Variants in FAM53A observed in about 807,000 individuals in gnomAD.
The protein encoded by FAM53A is protein FAM53A.
In FAM53A, 28 loss-of-function variants were observed where a neutral mutation model predicts 26.6. The ratio of observed to expected loss-of-function variants is 1.05; its 90% confidence interval spans 0.78 to 1.45. FAM53A has a LOEUF of 1.45. Ranked by LOEUF, FAM53A falls within the 40% of genes most tolerant of loss-of-function variation. FAM53A has a pLI of 0.00. For missense variants in FAM53A, 650 were observed against 575.8 expected (o/e 1.13, Z -1.32); for synonymous variants, 290 against 253.1 (o/e 1.15, Z -1.38).
At chr4:1,618,918 C>T (rs1409089559) in intron 1 of FAM53A, among the ~76,000 whole-genome samples, 1 of 152,190 alleles carries the variant, frequency 6.6e-6, no homozygotes, top group Non-Finnish European at 1.5e-5. Context: ...GCGGCAGCCA[C>T]AAGCTCACCT....
At chr4:1,576,842 C>T in the FAM53A span, among the ~76,000 whole-genome samples, 1 of 152,324 alleles carries the variant, frequency 6.6e-6, no homozygotes, top group South Asian at 2.1e-4. Context: ...GTTTGTCAGA[C>T]ATCAGACTTC....
intron 2 of FAM53A, 103 bp downstream of exon 2, chr4:1,668,564 G>A: frequency 2.2e-6 from 3 of 1,350,290 alleles, no homozygotes; most frequent in South Asian, 2.6e-5. Flanking sequence ...GGCCCCCCAG[G>A]CCCCTGAGAA....
chr4:1,626,695 T>G (rs1365374814), intron 1 of FAM53A, among the ~76,000 whole-genome samples: 2 of 151,086 alleles, frequency 1.3e-5, no homozygotes, highest in Non-Finnish European at 1.5e-5. Flanking sequence ...CCCGGGACAG[T>G]GCAGACTCTC....
the FAM53A span, among the ~76,000 whole-genome samples, chr4:1,596,734 C>A: frequency 1.3e-5 from 2 of 152,196 alleles, no homozygotes; most frequent in Non-Finnish European, 2.9e-5. Context: ...AGATTCCCAA[C>A]TGTACTTCTC....
Position 1,680,319 on chromosome 4 carries a change from C to CAAAAAAAAAAAAA in FAM53A, c.-165+3901_-165+3913dup, listed in dbSNP as rs143458191. ...GGGCAACGAGAGTGAAACTCCGTCT[C>CAAAAAAAAAAAAA]AAAAAAAAAAAAAAAAAAAAAAAAA... On this transcript the variant is annotated intron_variant, in intron 1 of 4. Transcript: ENST00000308132. 2.4e-5 allele frequency among the ~76,000 whole-genome samples: 2 copies of CAAAAAAAAAAAAA among 82,696 alleles called. 1 individual carries two copies. Among genetic ancestry groups the CAAAAAAAAAAAAA allele is most frequent in the Non-Finnish European group, 4.1e-5 (2 of 48,364 alleles). 54.3% of individuals were successfully genotyped at this position (82,696 alleles called of 152,430 possible).
intron 2 of FAM53A, among the ~76,000 whole-genome samples, chr4:1,665,175 G>A (rs1055591792): frequency 3.9e-5 from 6 of 152,070 alleles, no homozygotes; most frequent in East Asian, 3.9e-4. Flanking sequence ...AAAATTAGCC[G>A]GGCGTGGTGG....
At chr4:1,585,948 G>C in the FAM53A span, among the ~76,000 whole-genome samples, 1 of 152,020 alleles carries the variant, frequency 6.6e-6, no homozygotes, top group Admixed American at 6.6e-5. Context: ...TGTTGCTTGG[G>C]CTGGCTTTGA....
chr4:1,662,298 G>A (rs576273704), intron 2 of FAM53A, among the ~76,000 whole-genome samples: 23 of 151,954 alleles, frequency 1.5e-4, no homozygotes, highest in Non-Finnish European at 2.8e-4. Flanking sequence ...GGCCAACATG[G>A]TGAAATTCCA....
the FAM53A span, among the ~76,000 whole-genome samples, chr4:1,586,866 C>G: frequency 6.6e-6 from 1 of 151,790 alleles, no homozygotes; most frequent in African/African-American, 2.4e-5. Flanking sequence ...CCTCTGTACT[C>G]TTTTCCACTT....
the FAM53A span, among the ~76,000 whole-genome samples, chr4:1,608,908 C>G: frequency 1.8e-4 from 28 of 152,222 alleles, no homozygotes; most frequent in African/African-American, 6.5e-4. Context: ...CGGAGGGCGC[C>G]AGGGACAGGG....
At chr4:1,677,154 C>T (rs1715101667) in intron 1 of FAM53A, among the ~76,000 whole-genome samples, 1 of 152,220 alleles carries the variant, frequency 6.6e-6, no homozygotes, top group African/African-American at 2.4e-5. Flanking sequence ...CTCTCCTCCA[C>T]TTCTGTAAGA....
At chr4:1,624,467 G>A (rs1448405992) in intron 1 of FAM53A, among the ~76,000 whole-genome samples, 1 of 152,186 alleles carries the variant, frequency 6.6e-6, no homozygotes, top group African/African-American at 2.4e-5. Flanking sequence ...TCATCCAGGA[G>A]TGAGACGGAG....
At chr4:1,613,817 T>G (rs1714712327), downstream of FAM53A, among the ~76,000 whole-genome samples, 1 of 152,142 alleles carries the variant, frequency 6.6e-6, no homozygotes, top group Non-Finnish European at 1.5e-5. Context: ...TCAATAGTTA[T>G]TTTTTTACAT....
chr4:1,594,804 C>T, the FAM53A span, among the ~76,000 whole-genome samples: 1 of 152,172 alleles, frequency 6.6e-6, no homozygotes, highest in Admixed American at 6.5e-5. Context: ...GATGGTGCCA[C>T]TGCACTTCAG....
the FAM53A span, among the ~76,000 whole-genome samples, chr4:1,596,781 G>A: frequency 2.0e-5 from 3 of 152,232 alleles, no homozygotes; most frequent in African/African-American, 7.2e-5. Flanking sequence ...AAGACAGAGA[G>A]AGAGAGAGAC....
At chr4:1,581,892 G>C in the FAM53A span, among the ~76,000 whole-genome samples, 1 of 149,336 alleles carries the variant, frequency 6.7e-6, no homozygotes, top group African/African-American at 2.5e-5. Context: ...ACCATGCCCA[G>C]CATTTTTTTT....
chr4:1,644,341 G>A (rs969905039), intron 4 of FAM53A: 35 of 1,535,724 alleles, frequency 2.3e-5, no homozygotes, highest in South Asian at 1.5e-4. Context: ...ACAGCTGTGC[G>A]GCTAGAGCGT....
Position 1,655,171 on chromosome 4 carries a change from G to A in FAM53A, c.689C>T (p.Ala230Val), listed in dbSNP as rs763937971. 59 of 1,572,294 alleles carry A rather than the reference G, an allele frequency of 3.8e-5. No individual in the cohort carries two copies. The highest frequency in any genetic ancestry group is 3.7e-4 in the Admixed American group (20 of 54,338). ...RRPSLSQERLAGAGTPLPWAS... is the reference protein window; with the variant it reads ...RRPSLSQERLVGAGTPLPWAS... ...CCAGGGCAGGGGAGTGCCCGCACCC[G>A]CGAGTCGCTCCTGTGAGAGGGACGG... Residue 230 changes from alanine to valine, a missense_variant, in exon 4 of 5, where the codon GCG becomes GTG. Transcript: ENST00000308132.
At chr4:1,625,626 T>G (rs1404550316) in intron 1 of FAM53A, among the ~76,000 whole-genome samples, 1 of 106,126 alleles carries the variant, frequency 9.4e-6, no homozygotes, top group Non-Finnish European at 2.0e-5. Flanking sequence ...GTGGTCAGGG[T>G]CACGCCAGGT....
Sources: allele counts gnomAD v4.1 joint callset (sites outside exome capture counted in the v4.1 genomes callset), GRCh38; gene constraint gnomAD v4.1.1; transcripts MANE v1.5; gene names NCBI Gene and HGNC (gene_info 2026-07-23, HGNC 2026-07-21).